Variants in NRXN1 observed in about 807,000 individuals in gnomAD.
NRXN1 encodes the protein neurexin 1.
A neutral mutation model predicts 150.9 loss-of-function variants in NRXN1; 39 were observed. That is an observed-to-expected ratio of 0.26 (90% CI 0.20 to 0.34). The LOEUF (loss-of-function observed/expected upper bound fraction) is 0.34. NRXN1 is among the 10% of genes least tolerant of loss of function. NRXN1 has a pLI of 1.00. For synonymous variants in NRXN1, 924 were observed against 757.0 expected (o/e 1.22, Z -3.62); for missense variants, 1,815 against 1,949.9 (o/e 0.93, Z 1.30).
chr2:50,928,139 G>A (rs1168754581), intron 2 of NRXN1, among the ~76,000 whole-genome samples: 1 of 151,690 alleles, frequency 6.6e-6, no homozygotes, highest in African/African-American at 2.4e-5. Context: ...AACGATCCAA[G>A]TCATGTTTAA....
At chr2:50,860,453 A>C (rs1432175684) in intron 5 of NRXN1, among the ~76,000 whole-genome samples, 3 of 152,072 alleles carry the variant, frequency 2.0e-5, no homozygotes. Context: ...AGAGGTCCTG[A>C]CATGTGGAAG....
chr2:50,527,337 T>A (rs893814668), intron 12 of NRXN1, among the ~76,000 whole-genome samples: 2 of 152,158 alleles, frequency 1.3e-5, no homozygotes, highest in African/African-American at 2.4e-5. Context: ...AAAATGTATA[T>A]CCTTTTAGGA....
intron 5 of NRXN1, among the ~76,000 whole-genome samples, chr2:50,759,112 G>A (rs1701495454): frequency 6.6e-6 from 1 of 151,756 alleles, no homozygotes; most frequent in Non-Finnish European, 1.5e-5. Flanking sequence ...TTACTAAACT[G>A]GAAAAGAATT....
intron 17 of NRXN1, among the ~76,000 whole-genome samples, chr2:50,341,997 T>C (rs1009654002): frequency 2.0e-5 from 3 of 152,232 alleles, no homozygotes; most frequent in Non-Finnish European, 1.5e-5. Context: ...AGCTTGGATT[T>C]TTAGAACTAA....
intron 11 of NRXN1, among the ~76,000 whole-genome samples, chr2:50,530,422 C>T (rs1319887896): frequency 6.6e-6 from 1 of 152,120 alleles, no homozygotes; most frequent in Non-Finnish European, 1.5e-5. Flanking sequence ...ACTTTCCAAA[C>T]TATTATGTTT....
intron 5 of NRXN1, among the ~76,000 whole-genome samples, chr2:50,750,601 A>G (rs910044281): frequency 1.3e-5 from 2 of 152,012 alleles, no homozygotes; most frequent in Non-Finnish European, 2.9e-5. Context: ...TAATAATAAA[A>G]AAAGAAAACC....
intron 8 of NRXN1, among the ~76,000 whole-genome samples, chr2:50,594,901 C>G (rs1674895453): frequency 6.6e-6 from 1 of 151,796 alleles, no homozygotes; most frequent in Non-Finnish European, 1.5e-5. Flanking sequence ...GCTTTAAATC[C>G]AACTCATTTA....
At chr2:50,343,687 A>G (rs767437914) in intron 17 of NRXN1, among the ~76,000 whole-genome samples, 2 of 152,216 alleles carry the variant, frequency 1.3e-5, no homozygotes, top group Non-Finnish European at 2.9e-5. Flanking sequence ...GACACCTCAT[A>G]ATAGTGCAAA....
chr2:50,735,987 T>C (rs1245599329), intron 5 of NRXN1, among the ~76,000 whole-genome samples: 2 of 152,200 alleles, frequency 1.3e-5, no homozygotes, highest in Non-Finnish European at 2.9e-5. Flanking sequence ...TCTGGTCATA[T>C]TAGCTCTTCA....
At chr2:50,238,609 C>CATGATT (rs1034465889) in intron 17 of NRXN1, among the ~76,000 whole-genome samples, 8 of 151,916 alleles carry the variant, frequency 5.3e-5, no homozygotes, top group African/African-American at 1.9e-4. Context: ...ATTGAATTGC[C>CATGATT]ATGATTACCA....
chr2:50,416,615 A>G (rs947003916), intron 17 of NRXN1, among the ~76,000 whole-genome samples: 1 of 152,148 alleles, frequency 6.6e-6, no homozygotes, highest in Non-Finnish European at 1.5e-5. Flanking sequence ...GGTTTAATTG[A>G]CTCACAGATC....
intron 18 of NRXN1, among the ~76,000 whole-genome samples, chr2:50,179,215 T>A (rs2060542844): frequency 6.6e-6 from 1 of 152,136 alleles, no homozygotes; most frequent in Admixed American, 6.6e-5. Flanking sequence ...TTTCACTACA[T>A]CTTCCAGGGA....
At chr2:50,897,977 C>T (rs565723338) in intron 5 of NRXN1, among the ~76,000 whole-genome samples, 1 of 152,258 alleles carries the variant, frequency 6.6e-6, no homozygotes, top group East Asian at 1.9e-4. Context: ...ATAATCACTA[C>T]AGTATATCTT....
At chr2:50,076,238 G>A (rs1697085199) in intron 19 of NRXN1, among the ~76,000 whole-genome samples, 1 of 152,150 alleles carries the variant, frequency 6.6e-6, no homozygotes, top group African/African-American at 2.4e-5. Context: ...GGAAAGGTTT[G>A]TCTCCATTTA....
At chr2:50,337,449 G>C (rs893898404) in intron 17 of NRXN1, among the ~76,000 whole-genome samples, 4 of 152,116 alleles carry the variant, frequency 2.6e-5, no homozygotes, top group African/African-American at 9.7e-5. Flanking sequence ...TTCCGTTTCA[G>C]TGACTTAACT....
intron 19 of NRXN1, among the ~76,000 whole-genome samples, chr2:50,075,515 G>T (rs138410142): frequency 6.6e-6 from 1 of 152,236 alleles, no homozygotes; most frequent in Non-Finnish European, 1.5e-5. Flanking sequence ...GTTTCTCCAG[G>T]TAAAATTCAG....
At chr2:50,032,800 C>T (rs548275379) in intron 21 of NRXN1, among the ~76,000 whole-genome samples, 1 of 151,800 alleles carries the variant, frequency 6.6e-6, no homozygotes, top group African/African-American at 2.4e-5. Flanking sequence ...GTCTGCAAGC[C>T]GGTAAGAGAG....
chr2:49,952,837 C>T (rs2193870), intron 21 of NRXN1, among the ~76,000 whole-genome samples: 26,531 of 152,052 alleles, frequency 0.17, 2,877 homozygotes, highest in Non-Finnish European at 0.24. Flanking sequence ...TTGTTTCTCT[C>T]ACACAACTAT....
chr2:50,713,689 A>C (rs181979381), intron 5 of NRXN1, among the ~76,000 whole-genome samples: 13 of 151,236 alleles, frequency 8.6e-5, no homozygotes, highest in African/African-American at 2.9e-4. Flanking sequence ...CTTCGCAAAC[A>C]AAAAAAAACA....
Sources: gnomAD v4.1 joint callset for allele counts (sites outside exome capture counted in the v4.1 genomes callset) on GRCh38, gnomAD v4.1.1 for gene constraint, MANE v1.5 for transcripts, NCBI Gene and HGNC (gene_info 2026-07-23, HGNC 2026-07-21) for gene names.